The following CHST9 variants were observed in gnomAD, a reference collection of about 807,000 sequenced individuals.
CHST9 encodes carbohydrate sulfotransferase 9.
CHST9 carries 41 observed loss-of-function variants against 44.4 expected under a neutral mutation model. That is an observed-to-expected ratio of 0.92 (90% CI 0.72 to 1.20). The LOEUF is 1.20. CHST9 is among the 50% of genes most tolerant of loss of function. The pLI, the probability that CHST9 is intolerant of heterozygous loss-of-function variation, is 0.00. For synonymous variants in CHST9, 171 were observed against 178.4 expected (o/e 0.96, Z 0.33); for missense variants, 504 against 516.5 (o/e 0.98, Z 0.23).
intron 2 of CHST9, among the ~76,000 whole-genome samples, chr18:27,073,790 T>C (rs1436623510): frequency 6.6e-6 from 1 of 152,152 alleles, no homozygotes; most frequent in Non-Finnish European, 1.5e-5. Context: ...CTTTAAACAG[T>C]ATTTTGCTTA....
chr18:27,045,305 C>G (rs2057487193), intron 3 of CHST9, among the ~76,000 whole-genome samples: 1 of 152,056 alleles, frequency 6.6e-6, no homozygotes, highest in Non-Finnish European at 1.5e-5. Flanking sequence ...AGCATCCTAA[C>G]ATACCTTTTT....
At chr18:26,923,228 A>C (rs1405196996) in intron 5 of CHST9, among the ~76,000 whole-genome samples, 1 of 152,228 alleles carries the variant, frequency 6.6e-6, no homozygotes, top group Non-Finnish European at 1.5e-5. Flanking sequence ...ATACTATTGG[A>C]AGCTGGGAGA....
At chr18:27,180,841 C>A (rs1392057635) in intron 1 of CHST9, among the ~76,000 whole-genome samples, 2 of 152,096 alleles carry the variant, frequency 1.3e-5, no homozygotes, top group Admixed American at 1.3e-4. Flanking sequence ...GAAACGGATT[C>A]CTTTAATAAG....
intron 2 of CHST9, among the ~76,000 whole-genome samples, chr18:27,105,477 G>T (rs1312131333): frequency 1.3e-5 from 2 of 152,146 alleles, no homozygotes; most frequent in Non-Finnish European, 2.9e-5. Context: ...GAAAAGTTAT[G>T]CATGTTTACT....
At chr18:27,157,350 A>C (rs565882165) in intron 1 of CHST9, among the ~76,000 whole-genome samples, 4 of 152,270 alleles carry the variant, frequency 2.6e-5, no homozygotes, top group African/African-American at 7.2e-5. Flanking sequence ...GTATATTCTG[A>C]AATTAATATG....
At chr18:27,081,993 T>C (rs1042923517) in intron 2 of CHST9, among the ~76,000 whole-genome samples, 1 of 152,202 alleles carries the variant, frequency 6.6e-6, no homozygotes, top group African/African-American at 2.4e-5. Flanking sequence ...ACCTGCGACA[T>C]GTTTATCAGC....
intron 1 of CHST9, among the ~76,000 whole-genome samples, chr18:27,158,201 C>T (rs2058713228): frequency 6.6e-6 from 1 of 151,884 alleles, no homozygotes; most frequent in Admixed American, 6.6e-5. Context: ...TGTGCTGCAC[C>T]CATCAACTCA....
At chr18:27,082,418 G>A (rs1192688190) in intron 2 of CHST9, among the ~76,000 whole-genome samples, 1 of 152,124 alleles carries the variant, frequency 6.6e-6, no homozygotes, top group Non-Finnish European at 1.5e-5. Context: ...ACCCAAGTAA[G>A]TACAAACTCC....
At chr18:27,143,622 T>C (rs771728693) in intron 1 of CHST9, among the ~76,000 whole-genome samples, 1 of 152,178 alleles carries the variant, frequency 6.6e-6, no homozygotes, top group Non-Finnish European at 1.5e-5. Flanking sequence ...GCATCCTTTT[T>C]TGAGAATCTG....
chr18:26,917,113 T>C lies in CHST9; in HGVS notation c.478A>G (p.Lys160Glu). 6.2e-7 allele frequency: 1 copy of C among 1,613,938 alleles called. No homozygotes were observed. The highest frequency in any genetic ancestry group is 1.1e-5 in the South Asian group (1 of 91,080). The part of the protein sequence containing the change: ...NWPVDIHPLN[K>E]SLVKDNKWKK... ...CATTTATTATCTTTGACTAAACTTT[T>C]GTTTAAAGGGTGAATGTCCACTGGC... Residue 160 changes from lysine (K) to glutamate (E), a missense_variant, in exon 6 of 6, where the codon AAA becomes GAA. Coordinates refer to ENST00000618847, the MANE Select transcript of CHST9 (RefSeq NM_031422.6).
At chr18:27,163,444 A>G (rs1052430172) in intron 1 of CHST9, among the ~76,000 whole-genome samples, 1 of 152,110 alleles carries the variant, frequency 6.6e-6, no homozygotes, top group Non-Finnish European at 1.5e-5. Flanking sequence ...GGCCTCCTTG[A>G]GCTGCAGTGG....
At chr18:27,158,189 G>T (rs1430083021) in intron 1 of CHST9, among the ~76,000 whole-genome samples, 2 of 151,948 alleles carry the variant, frequency 1.3e-5, no homozygotes, top group African/African-American at 4.8e-5. Flanking sequence ...GTGCCATGTT[G>T]GTGTGCTGCA....
intron 1 of CHST9, among the ~76,000 whole-genome samples, chr18:27,170,720 C>T (rs963586128): frequency 2.5e-4 from 38 of 151,892 alleles, no homozygotes; most frequent in African/African-American, 9.2e-4. Flanking sequence ...AAAAAGAAAA[C>T]AAAAATACAA....
intron 2 of CHST9, among the ~76,000 whole-genome samples, chr18:27,133,355 A>C (rs1370336845): frequency 6.6e-6 from 1 of 152,332 alleles, no homozygotes; most frequent in East Asian, 1.9e-4. Context: ...GAAGACTTTA[A>C]GCAATTTGAC....
intron 2 of CHST9, among the ~76,000 whole-genome samples, chr18:27,089,765 C>T (rs140266958): frequency 3.2e-4 from 49 of 151,418 alleles, no homozygotes; most frequent in African/African-American, 9.5e-4. Context: ...AGTGTAAATG[C>T]GTCCCTATTT....
chr18:27,052,946 A>G (rs1417090985), intron 2 of CHST9, among the ~76,000 whole-genome samples: 2 of 151,820 alleles, frequency 1.3e-5, no homozygotes, highest in East Asian at 3.9e-4. Flanking sequence ...GGGAAGGGAG[A>G]GCATTATGAC....
At chr18:26,928,089 CG>C (rs1195875366) in intron 5 of CHST9, among the ~76,000 whole-genome samples, 1 of 152,170 alleles carries the variant, frequency 6.6e-6, no homozygotes, top group Non-Finnish European at 1.5e-5. Flanking sequence ...GCACTTGTTT[CG>C]GGGAGCACAG....
At chr18:27,153,278 C>T (rs2058672284) in intron 1 of CHST9, among the ~76,000 whole-genome samples, 1 of 152,092 alleles carries the variant, frequency 6.6e-6, no homozygotes, top group Non-Finnish European at 1.5e-5. Flanking sequence ...CCATAAATTA[C>T]CACAAATATG....
rs555450333 is a variant in CHST9 at position 27,157,462 on chromosome 18, T to G, written c.-96-14557A>C. 2.0e-5 allele frequency among the ~76,000 whole-genome samples: 3 copies of G among 152,302 alleles called. No individual in the cohort carries two copies. The South Asian group carries it at 6.2e-4, about 32-fold the overall frequency. On this transcript the variant is annotated intron_variant, in intron 1 of 5. Coordinates refer to ENST00000618847, the MANE Select transcript of CHST9 (RefSeq NM_031422.6). ...TCTACTATATGCTCCCTGTCTTATC[T>G]CTCGTTTCACATTCTAGCCCATGTG... is the stretch of plus-strand genomic sequence containing the variant.
Sources: gnomAD v4.1 joint callset for allele counts (sites outside exome capture counted in the v4.1 genomes callset) on GRCh38, gnomAD v4.1.1 for gene constraint, MANE v1.5 for transcripts, NCBI Gene and HGNC (gene_info 2026-07-23, HGNC 2026-07-21) for gene names.